Variants in NCKAP5 observed in about 807,000 individuals in gnomAD.
The protein encoded by NCKAP5 is nck-associated protein 5.
In NCKAP5, 92 loss-of-function variants were observed where a neutral mutation model predicts 167.0. That is an observed-to-expected ratio of 0.55 (90% CI 0.47 to 0.66). The LOEUF (loss-of-function observed/expected upper bound fraction) is 0.66. Ranked by LOEUF, NCKAP5 falls within the 30% of genes least tolerant of loss-of-function variation. NCKAP5 has a pLI of 0.00. For missense variants in NCKAP5, 2,378 were observed against 2,315.0 expected, an observed-to-expected ratio of 1.03 and a Z score of -0.56; for synonymous variants, 891 against 877.4, an observed-to-expected ratio of 1.02 and a Z score of -0.27.
In NCKAP5 at chr2:132,847,867, T is replaced by C. The variant is rs376462807; in HGVS notation, c.807+12625A>G. On this transcript the variant is annotated intron_variant, in intron 11 of 19. Coordinates refer to ENST00000409261, the MANE Select transcript of NCKAP5 (RefSeq NM_207363.3). The stretch of plus-strand genomic sequence containing the variant: ...CCCACGGTGACAGAAAGCAGATCTG[T>C]GGTTGCCTGGGGCTGAGGACTGAGA... 2.4e-4 allele frequency among the ~76,000 whole-genome samples: 37 copies of C among 152,274 alleles called. 1 individual carries two copies. The East Asian group carries it at 6.2e-3, about 25-fold the overall frequency.
At position 132,740,355 on chromosome 2, in the gene NCKAP5, C is replaced by G. The variant is rs565274232; in HGVS notation, c.5129-8304G>C. On this transcript the variant is annotated intron_variant, in intron 16 of 19. Transcript: ENST00000409261. ...CTCCAGGTTCCTAAACATCTTTAAG[C>G]TACATGTGGTATTGGCAGCAGAAAC... is the stretch of plus-strand genomic sequence containing the variant. Among the ~76,000 whole-genome samples, 18 of 152,198 alleles carry G rather than the reference C, an allele frequency of 1.2e-4. No individual in the cohort carries two copies. In the South Asian group the frequency reaches 3.7e-3, roughly 32 times the overall value.
chr2:132,838,919 G>A (rs1688094309), intron 11 of NCKAP5, among the ~76,000 whole-genome samples: 1 of 152,196 alleles, frequency 6.6e-6, no homozygotes, highest in Admixed American at 6.5e-5. Flanking sequence ...TAATTAAGGA[G>A]ATATTTAGTT....
intron 3 of NCKAP5, among the ~76,000 whole-genome samples, chr2:133,456,523 C>G (rs62177692): frequency 0.32 from 48,543 of 152,028 alleles, 8,529 homozygotes; most frequent in African/African-American, 0.46. Flanking sequence ...ATCCATATCA[C>G]CTGTAATTCG....
At chr2:133,596,886 C>A in the NCKAP5 span, among the ~76,000 whole-genome samples, 104 of 152,328 alleles carry the variant, frequency 6.8e-4, no homozygotes, top group African/African-American at 2.4e-3. Context: ...TCATCTCAGA[C>A]CAGTGAGAAT....
chr2:133,018,186 G>C (rs1444982228), intron 6 of NCKAP5, among the ~76,000 whole-genome samples: 1 of 152,124 alleles, frequency 6.6e-6, no homozygotes, highest in African/African-American at 2.4e-5. Flanking sequence ...ACAGAATGGT[G>C]GTCAACCCAC....
At chr2:132,691,606 C>T (rs1244249817) in intron 19 of NCKAP5, among the ~76,000 whole-genome samples, 1 of 152,222 alleles carries the variant, frequency 6.6e-6, no homozygotes, top group Admixed American at 6.5e-5. Flanking sequence ...CTTGGACAAG[C>T]ACCGCCATTT....
intron 3 of NCKAP5, among the ~76,000 whole-genome samples, chr2:133,423,325 C>G (rs1689597845): frequency 2.0e-5 from 3 of 152,178 alleles, no homozygotes; most frequent in African/African-American, 7.2e-5. Flanking sequence ...GAATGACACT[C>G]CAGACCTCTC....
At chr2:133,415,577 G>T (rs936489967) in intron 3 of NCKAP5, among the ~76,000 whole-genome samples, 1 of 152,210 alleles carries the variant, frequency 6.6e-6, no homozygotes, top group Non-Finnish European at 1.5e-5. Context: ...GTCAAAGGAG[G>T]CTCTGGCTCT....
intron 5 of NCKAP5, among the ~76,000 whole-genome samples, chr2:133,213,196 A>T (rs2086282773): frequency 6.6e-6 from 1 of 152,182 alleles, no homozygotes; most frequent in South Asian, 2.1e-4. Context: ...AACTGTATTG[A>T]TTTTTAGTAC....
intron 13 of NCKAP5, among the ~76,000 whole-genome samples, chr2:132,786,471 C>T (rs1683577473): frequency 1.3e-5 from 2 of 152,190 alleles, no homozygotes; most frequent in Non-Finnish European, 2.9e-5. Context: ...AGCAGCTGGG[C>T]ATTCGCTGTT....
At chr2:133,519,064 A>G (rs1684262091) in intron 2 of NCKAP5, among the ~76,000 whole-genome samples, 1 of 152,212 alleles carries the variant, frequency 6.6e-6, no homozygotes, top group South Asian at 2.1e-4. Context: ...TGGATCAAAC[A>G]GGCAGGATTT....
chr2:133,403,809 T>C (rs1688249209), intron 3 of NCKAP5, among the ~76,000 whole-genome samples: 1 of 152,218 alleles, frequency 6.6e-6, no homozygotes, highest in African/African-American at 2.4e-5. Flanking sequence ...CATTTAAGTC[T>C]ATCCTTATGC....
chr2:133,540,332 A>C (rs1686122214), intron 2 of NCKAP5, among the ~76,000 whole-genome samples: 1 of 152,248 alleles, frequency 6.6e-6, no homozygotes, highest in Admixed American at 6.5e-5. Context: ...CTAGACTGCC[A>C]GGATATTTCT....
In NCKAP5 at chr2:132,784,225, A is replaced by T; in HGVS notation, c.2586T>A (p.Asp862Glu). 1 of 1,598,254 alleles carries T rather than the reference A, an allele frequency of 6.3e-7. No homozygotes were observed. The highest frequency in any genetic ancestry group is 8.5e-7 in the Non-Finnish European group (1 of 1,173,716). ...SSGPLFELRS[D>E]PHIPKHSAQL... The stretch of plus-strand genomic sequence containing the variant: ...GGGCGGAATGTTTTGGAATGTGTGG[A>T]TCTGATCGTAATTCAAAGAGGGGCC... Residue 862 changes from aspartate (D) to glutamate (E), a missense_variant, in exon 14 of 20, where the codon GAT becomes GAA. Coordinates refer to ENST00000409261, the MANE Select transcript of NCKAP5 (RefSeq NM_207363.3).
At position 133,286,381 on chromosome 2, in the gene NCKAP5, T is replaced by C. The variant is rs528627719; in HGVS notation, c.143+16656A>G. On this transcript the variant is annotated intron_variant, in intron 4 of 19. Coordinates refer to ENST00000409261, the MANE Select transcript of NCKAP5 (RefSeq NM_207363.3). The stretch of plus-strand genomic sequence containing the variant: ...CAGAACAAGGCAATTAAAAAGTGGG[T>C]GGAGGAAGTATAGGAGTAGTGGAGA... Among the ~76,000 whole-genome samples the C allele has an allele frequency of 1.6e-4, 25 of 152,132 alleles. No individual in the cohort carries two copies. The East Asian group carries it at 1.9e-3, about 12-fold the overall frequency.
chr2:133,601,641 G>A, the NCKAP5 span, among the ~76,000 whole-genome samples: 2 of 152,338 alleles, frequency 1.3e-5, no homozygotes, highest in South Asian at 2.1e-4. Flanking sequence ...GCTGAAGCTG[G>A]AGAATTGCTT....
chr2:132,888,284 CTT>C (rs974974802), intron 8 of NCKAP5, among the ~76,000 whole-genome samples: 17 of 152,222 alleles, frequency 1.1e-4, no homozygotes, highest in African/African-American at 4.1e-4. Context: ...ACTGATGTAT[CTT>C]TTAAAAATAT....
intron 2 of NCKAP5, among the ~76,000 whole-genome samples, chr2:133,531,472 T>G (rs1264907756): frequency 6.6e-6 from 1 of 150,476 alleles, no homozygotes; most frequent in Non-Finnish European, 1.5e-5. Flanking sequence ...CTTAGGTAAC[T>G]TTCTGAGCAC....
chr2:133,290,728 C>CTTTTTTTTTTTTTTTTTTTTTTTTTTT (rs58758295), intron 4 of NCKAP5, among the ~76,000 whole-genome samples: 6 of 89,364 alleles, frequency 6.7e-5, no homozygotes, highest in Admixed American at 1.4e-4. Context: ...AGAATTTCTC[C>CTTTTTTTTTTTTTTTTTTTTTTTTTTT]TTTTTTTTTT....
Sources: gnomAD v4.1 joint callset for allele counts (sites outside exome capture counted in the v4.1 genomes callset) on GRCh38, gnomAD v4.1.1 for gene constraint, MANE v1.5 for transcripts, NCBI Gene and HGNC (gene_info 2026-07-23, HGNC 2026-07-21) for gene names.